The following SYT14 variants were observed in gnomAD, a reference collection of about 807,000 sequenced individuals.
SYT14 encodes synaptotagmin 14, also known as synaptotagmin-14.
SYT14 carries 32 observed loss-of-function variants against 74.2 expected under a neutral mutation model. The ratio of observed to expected loss-of-function variants is 0.43; its 90% CI spans 0.33 to 0.58. The LOEUF is 0.58. Among genes scored for constraint, SYT14 ranks in the 20% least tolerant of loss-of-function variants. SYT14 has a pLI of 0.05. For synonymous variants in SYT14, 298 were observed against 337.7 expected, an observed-to-expected ratio of 0.88 and a Z score of 1.29; for missense variants, 791 against 981.8, an observed-to-expected ratio of 0.81 and a Z score of 2.60.
chr1:210,095,576 A>G (rs1159762438), intron 6 of SYT14, among the ~76,000 whole-genome samples: 1 of 152,192 alleles, frequency 6.6e-6, no homozygotes, highest in African/African-American at 2.4e-5. Context: ...TTAGATTGCA[A>G]GTTTTTACTG....
chr1:209,954,291 CT>C (rs747028907), intron 2 of SYT14, among the ~76,000 whole-genome samples: 146 of 151,512 alleles, frequency 9.6e-4, no homozygotes, highest in African/African-American at 3.2e-3. Flanking sequence ...GTGAATATAT[CT>C]TTTTTTTTCA....
At chr1:210,113,825 AGC>A in intron 7 of SYT14, among the ~76,000 whole-genome samples, 1 of 151,224 alleles carries the variant, frequency 6.6e-6, no homozygotes, top group Non-Finnish European at 1.5e-5. Flanking sequence ...ACTAAAAAGG[AGC>A]GCATAAAAGA....
chr1:210,137,139 A>G (rs2082803632), intron 7 of SYT14, among the ~76,000 whole-genome samples: 1 of 152,178 alleles, frequency 6.6e-6, no homozygotes, highest in Non-Finnish European at 1.5e-5. Flanking sequence ...GAAGGGACTT[A>G]CCCAATTTTG....
intron 5 of SYT14, among the ~76,000 whole-genome samples, chr1:210,027,395 A>G (rs1257466554): frequency 1.3e-5 from 2 of 151,566 alleles, no homozygotes; most frequent in Non-Finnish European, 2.9e-5. Flanking sequence ...AGCATAGGCA[A>G]CAGAGTGAGA....
At chr1:209,970,706 CAG>C (rs1393218405) in intron 2 of SYT14, among the ~76,000 whole-genome samples, 1 of 69,196 alleles carries the variant, frequency 1.4e-5, no homozygotes, top group African/African-American at 4.7e-5. Flanking sequence ...TTTTTTGAGG[CAG>C]AGTCTCACTC....
intron 1 of SYT14, among the ~76,000 whole-genome samples, chr1:209,948,621 C>T (rs1195348273): frequency 7.2e-5 from 11 of 152,104 alleles, no homozygotes; most frequent in Admixed American, 2.0e-4. Context: ...AAAACAATTT[C>T]GTAACTTTCA....
At chr1:209,949,498 G>T (rs1328933076) in intron 1 of SYT14, among the ~76,000 whole-genome samples, 2 of 151,572 alleles carry the variant, frequency 1.3e-5, no homozygotes, top group Non-Finnish European at 2.9e-5. Context: ...GCTTGAACCC[G>T]GGAGGCAGAG....
intron 2 of SYT14, among the ~76,000 whole-genome samples, chr1:209,975,709 C>G (rs552832575): frequency 1.3e-5 from 2 of 152,268 alleles, no homozygotes; most frequent in East Asian, 1.9e-4. Flanking sequence ...CAGGATGATG[C>G]TGGCCTCATA....
intron 7 of SYT14, among the ~76,000 whole-genome samples, chr1:210,102,790 T>A (rs948518370): frequency 6.6e-5 from 10 of 151,992 alleles, no homozygotes; most frequent in Admixed American, 3.3e-4. Flanking sequence ...TAAGTGATCC[T>A]CCCACCTCAG....
intron 2 of SYT14, among the ~76,000 whole-genome samples, chr1:209,971,878 A>G (rs1361779977): frequency 1.3e-5 from 2 of 152,102 alleles, no homozygotes; most frequent in Non-Finnish European, 2.9e-5. Flanking sequence ...AAGTTTTGGT[A>G]TTAGGGTGAT....
intron 5 of SYT14, among the ~76,000 whole-genome samples, chr1:210,042,508 C>T (rs191268289): frequency 1.3e-5 from 2 of 152,148 alleles, no homozygotes; most frequent in African/African-American, 4.8e-5. Context: ...ACATTTAAAT[C>T]TTTAATCCAT....
At chr1:210,077,641 ACT>A (rs1342808729) in intron 5 of SYT14, among the ~76,000 whole-genome samples, 6 of 152,032 alleles carry the variant, frequency 3.9e-5, no homozygotes, top group Admixed American at 6.5e-5. Context: ...TCATATTGTA[ACT>A]CTGTTTTTAC....
intron 4 of SYT14, among the ~76,000 whole-genome samples, chr1:210,018,122 A>G (rs927449780): frequency 1.3e-5 from 2 of 152,098 alleles, no homozygotes; most frequent in Non-Finnish European, 2.9e-5. Context: ...TTTGGAGTCT[A>G]TTTTTCTAGC....
chr1:210,077,215 A>G (rs2081518791), intron 5 of SYT14, among the ~76,000 whole-genome samples: 1 of 152,134 alleles, frequency 6.6e-6, no homozygotes, highest in Non-Finnish European at 1.5e-5. Flanking sequence ...AGCACTTCAC[A>G]TGGTGAAAGC....
At chr1:210,041,683 C>G (rs2080793355) in intron 5 of SYT14, among the ~76,000 whole-genome samples, 1 of 152,020 alleles carries the variant, frequency 6.6e-6, no homozygotes, top group African/African-American at 2.4e-5. Context: ...AAATCATAAA[C>G]TTAAAAATAA....
At chr1:210,163,295 T>TGA (rs541543766) in exon 10 of SYT14, 546 of 453,782 alleles carry the variant, frequency 1.2e-3, no homozygotes, top group Middle Eastern at 4.8e-3. Context: ...ATTGTGTGTG[T>TGA]GATTTGATAC....
exon 10 of SYT14, chr1:210,161,141 G>C (rs1471837627): frequency 2.3e-6 from 3 of 1,328,184 alleles, no homozygotes; most frequent in Non-Finnish European, 3.2e-6. Flanking sequence ...GTTCTTTGAA[G>C]AATCATATTC....
exon 10 of SYT14, chr1:210,162,979 AATATCTC>A (rs2083403482): frequency 2.2e-6 from 1 of 452,562 alleles, no homozygotes; most frequent in Admixed American, 2.4e-5. Context: ...CAAATGGCAA[AATATCTC>A]ATTTAAGTGT....
chr1:209,975,635 T>C (rs1325649174), intron 2 of SYT14, among the ~76,000 whole-genome samples: 8 of 152,242 alleles, frequency 5.3e-5, no homozygotes, highest in Admixed American at 5.2e-4. Flanking sequence ...TTTGTATCAA[T>C]GTTCATCAGG....
Sources: gnomAD v4.1 joint callset for allele counts (sites outside exome capture counted in the v4.1 genomes callset) on GRCh38, gnomAD v4.1.1 for gene constraint, MANE v1.5 for transcripts, NCBI Gene and HGNC (gene_info 2026-07-23, HGNC 2026-07-21) for gene names.